Variants in KCNT2 observed in about 807,000 individuals in gnomAD.
KCNT2 encodes potassium sodium-activated channel subfamily T member 2, also known as potassium channel subfamily T member 2.
A neutral mutation model predicts 153.8 loss-of-function variants in KCNT2; 67 were observed. That is an observed-to-expected ratio of 0.44 (90% confidence interval 0.36 to 0.53). The LOEUF (loss-of-function observed/expected upper bound fraction) is 0.53, where lower values mean the gene tolerates loss of function less well. Among genes scored for constraint, KCNT2 ranks in the 20% least tolerant of loss-of-function variants. KCNT2 has a pLI of 0.00. For missense variants in KCNT2, 975 were observed against 1,354.8 expected, an observed-to-expected ratio of 0.72 and a Z score of 4.40; for synonymous variants, 500 against 458.8, an observed-to-expected ratio of 1.09 and a Z score of -1.15.
rs1033181434 is a variant in KCNT2, at chr1:196,226,202, T to C, written c.*2022A>G. ...CAAAAATACCAAACTTCAGATCTTG[T>C]GGGGAAATAAAAGATTTGTAAAATC... is the stretch of plus-strand genomic sequence containing the variant. On this transcript the variant is annotated 3_prime_UTR_variant, in exon 28 of 28. Coordinates refer to ENST00000294725, the MANE Select transcript of KCNT2 (RefSeq NM_198503.5). 4.6e-5 allele frequency: 7 copies of C among 151,978 alleles called. No homozygotes were observed. Among genetic ancestry groups the C allele is most frequent in the African/African-American group, 1.7e-4 (7 of 41,444 alleles). 9.4% of individuals were successfully genotyped at this position (151,978 alleles called of 1,614,324 possible).
At chr1:196,255,074 T>C (rs1334490035) in intron 26 of KCNT2, among the ~76,000 whole-genome samples, 3 of 151,646 alleles carry the variant, frequency 2.0e-5, no homozygotes, top group Admixed American at 1.3e-4. Context: ...AAATACCATT[T>C]TATGGGCTAA....
chr1:196,469,146 AT>A, intron 5 of KCNT2, 78 bp from the exon 6 acceptor site: 1 of 783,434 alleles, frequency 1.3e-6, no homozygotes, highest in Non-Finnish European at 2.2e-6. Context: ...AGCACTTAGA[AT>A]TTCTCTAGCA....
At chr1:196,522,796 T>A (rs1400021688) in intron 1 of KCNT2, among the ~76,000 whole-genome samples, 32 of 152,114 alleles carry the variant, frequency 2.1e-4, no homozygotes, top group Admixed American at 2.1e-3. Flanking sequence ...AACGCACTAA[T>A]CAGCATGTTG....
At chr1:196,270,237 G>A (rs1392171315) in intron 25 of KCNT2, among the ~76,000 whole-genome samples, 2 of 151,774 alleles carry the variant, frequency 1.3e-5, no homozygotes, top group African/African-American at 4.8e-5. Context: ...ATTTGGTAGG[G>A]ATTATAGTGG....
intron 22 of KCNT2, among the ~76,000 whole-genome samples, chr1:196,303,039 A>G (rs971065242): frequency 3.3e-5 from 5 of 151,782 alleles, no homozygotes; most frequent in African/African-American, 1.2e-4. Context: ...TACCCTGATG[A>G]CAAAAGTCCC....
chr1:196,253,530 T>C (rs1005519188), intron 26 of KCNT2, among the ~76,000 whole-genome samples: 1 of 151,620 alleles, frequency 6.6e-6, no homozygotes, highest in South Asian at 2.1e-4. Context: ...TTTATTTTTA[T>C]ACTGGTTATG....
intron 4 of KCNT2, among the ~76,000 whole-genome samples, chr1:196,481,336 A>T (rs1213065485): frequency 6.6e-6 from 1 of 152,208 alleles, no homozygotes; most frequent in African/African-American, 2.4e-5. Context: ...AGGGTGGATG[A>T]TGAGAAATTG....
At chr1:196,418,484 AC>A (rs1672931004) in intron 12 of KCNT2, among the ~76,000 whole-genome samples, 1 of 152,100 alleles carries the variant, frequency 6.6e-6, no homozygotes, top group Non-Finnish European at 1.5e-5. Context: ...AACAACAACA[AC>A]AACAAAAACA....
At chr1:196,595,667 A>AT (rs1267704673) in intron 1 of KCNT2, among the ~76,000 whole-genome samples, 3 of 151,938 alleles carry the variant, frequency 2.0e-5, no homozygotes, top group Non-Finnish European at 4.4e-5. Context: ...TTTCATTTTT[A>AT]TTTTTTGTAG....
intron 26 of KCNT2, among the ~76,000 whole-genome samples, chr1:196,254,911 T>C (rs1446125262): frequency 2.6e-5 from 4 of 151,624 alleles, no homozygotes; most frequent in Non-Finnish European, 1.5e-5. Context: ...GTTAGTTATC[T>C]TGTTTTATTT....
At chr1:196,495,441 C>G (rs1464737785) in intron 1 of KCNT2, among the ~76,000 whole-genome samples, 1 of 152,068 alleles carries the variant, frequency 6.6e-6, no homozygotes, top group Non-Finnish European at 1.5e-5. Flanking sequence ...TAAATATAAT[C>G]TCACCGCTTC....
At chr1:196,548,969 C>G (rs546634079) in intron 1 of KCNT2, among the ~76,000 whole-genome samples, 2 of 146,954 alleles carry the variant, frequency 1.4e-5, no homozygotes, top group African/African-American at 5.1e-5. Flanking sequence ...AACACATGGA[C>G]ACAGGAAGGG....
chr1:196,342,295 A>C, intron 14 of KCNT2, 67 bp from the exon 15 acceptor site: 1 of 1,409,672 alleles, frequency 7.1e-7, no homozygotes, highest in South Asian at 1.3e-5. Flanking sequence ...GTTAAAAAAC[A>C]GTTGTTATAG....
chr1:196,325,667 A>G (rs1182459180), intron 19 of KCNT2, among the ~76,000 whole-genome samples: 1 of 152,088 alleles, frequency 6.6e-6, no homozygotes, highest in African/African-American at 2.4e-5. Context: ...CATTTACCCT[A>G]AATATGCCTC....
At chr1:196,256,460 C>CAGTGTTGA (rs1168124082) in intron 26 of KCNT2, among the ~76,000 whole-genome samples, 1 of 151,876 alleles carries the variant, frequency 6.6e-6, no homozygotes, top group Non-Finnish European at 1.5e-5. Flanking sequence ...TAATCAACAA[C>CAGTGTTGA]AGTGTTGACT....
rs144319306 is a variant in KCNT2 at position 196,316,042 on chromosome 1, A to G, written c.2349-16T>C. The G allele has an allele frequency of 1.7e-4, 276 of 1,605,730 alleles. No homozygotes were observed. Among genetic ancestry groups the G allele is most frequent in the Non-Finnish European group, 2.3e-4 (272 of 1,174,320 alleles). On this transcript the variant is annotated splice_polypyrimidine_tract_variant and intron_variant, in intron 20 of 27. Coordinates refer to ENST00000294725, the MANE Select transcript of KCNT2 (RefSeq NM_198503.5). Reference sequence around the variant, plus strand: ...GTCATCTAGGCTTTGATAAAAATCAACAGAGAAAAACAAACATTAAATAAA... The same window carrying G: ...GTCATCTAGGCTTTGATAAAAATCAGCAGAGAAAAACAAACATTAAATAAA...
At chr1:196,351,808 T>G (rs1425150692) in intron 14 of KCNT2, among the ~76,000 whole-genome samples, 1 of 152,192 alleles carries the variant, frequency 6.6e-6, no homozygotes, top group Non-Finnish European at 1.5e-5. Flanking sequence ...TGCTTCCAGT[T>G]TTTGCCCATT....
chr1:196,321,602 A>T (rs1663320480), intron 19 of KCNT2, among the ~76,000 whole-genome samples: 1 of 151,968 alleles, frequency 6.6e-6, no homozygotes, highest in Non-Finnish European at 1.5e-5. Context: ...TAACATCTGT[A>T]TTGTGGTAGT....
At chr1:196,360,564 G>T (rs901631283) in intron 14 of KCNT2, among the ~76,000 whole-genome samples, 2 of 152,028 alleles carry the variant, frequency 1.3e-5, no homozygotes, top group African/African-American at 4.8e-5. Flanking sequence ...TTTGGAAATG[G>T]GCTCTTTGAG....
Sources: gnomAD v4.1 joint callset for allele counts (sites outside exome capture counted in the v4.1 genomes callset) on GRCh38, gnomAD v4.1.1 for gene constraint, MANE v1.5 for transcripts, NCBI Gene and HGNC (gene_info 2026-07-23, HGNC 2026-07-21) for gene names.